Variants in TUBB2A observed in about 807,000 individuals in gnomAD.
TUBB2A encodes tubulin beta 2A class IIa, also known as tubulin beta-2A chain.
A neutral mutation model predicts 33.9 loss-of-function variants in TUBB2A; 7 were observed. The ratio of observed to expected loss-of-function variants is 0.21; its 90% CI spans 0.12 to 0.39. The LOEUF is 0.39. TUBB2A is among the 10% of genes least tolerant of loss of function. The probability of loss-of-function intolerance (pLI) is 1.00; values close to 1 mark genes in which losing one functional copy is unlikely to be tolerated. For synonymous variants in TUBB2A, 187 were observed against 247.6 expected (o/e 0.76, Z 2.30); for missense variants, 80 against 593.4 (o/e 0.13, Z 8.99).
chr6:3,155,564 G>T lies in TUBB2A; in HGVS notation c.277+61C>A. On this transcript the variant is annotated intron_variant, in intron 3 of 3. Coordinates refer to ENST00000333628, the MANE Select transcript of TUBB2A (RefSeq NM_001069.3). This position sits in a 1 kb window ranked among gnomAD's most constrained non-coding sequence, Gnocchi z 4.2. ...CACTGAACACTAAGAACTGTGCTTT[G>T]CAGGGCTGTTAGGAAGAAGGTGTGT... is the stretch of plus-strand genomic sequence containing the variant. The T allele has an allele frequency of 3.0e-6, 4 of 1,340,396 alleles. No homozygotes were observed. Among genetic ancestry groups the T allele is most frequent in the Non-Finnish European group, 4.2e-6 (4 of 948,752 alleles). 83.0% of individuals were successfully genotyped at this position (1,340,396 alleles called of 1,614,324 possible).
chr6:3,155,021 G>A lies in TUBB2A; in HGVS notation c.278-98C>T, dbSNP rs1280851079. On this transcript the variant is annotated intron_variant, in intron 3 of 3. Transcript: ENST00000333628. The surrounding 1 kb of genome is among the most constrained non-coding windows in gnomAD (Gnocchi z 4.2). ...GAGAAGGTAGGACTGGTCTTAGACT[G>A]GCAGATTCTTCTCTTTTGAATACTC... 3 of 1,559,818 alleles carry A rather than the reference G, an allele frequency of 1.9e-6. No homozygotes were observed. The African/African-American group carries it at 4.1e-5, about 21-fold the overall frequency.
chr6:3,153,941 G>A lies in TUBB2A; in HGVS notation c.1260C>T (p.Ser420=), dbSNP rs774107403. The change falls in exon 4 of 4, where the codon TCC becomes TCT. Residue 420 remains serine, a synonymous_variant. Coordinates refer to ENST00000333628, the MANE Select transcript of TUBB2A (RefSeq NM_001069.3). ...EAESNMNDLV[S]EYQQYQDATA... ...TGGCGTCCTGGTACTGCTGGTACTC[G>A]GACACCAGGTCGTTCATGTTGCTCT... The A allele has an allele frequency of 5.6e-6, 9 of 1,601,994 alleles. No individual in the cohort carries two copies. The highest frequency in any genetic ancestry group is 3.4e-5 in the Admixed American group (2 of 59,072).
At position 3,154,959 on chromosome 6, in the gene TUBB2A, A is replaced by G. The variant is rs1234692060; in HGVS notation, c.278-36T>C. 1.9e-6 allele frequency: 3 copies of G among 1,613,368 alleles called. No individual in the cohort carries two copies. In the African/African-American group the frequency reaches 4.0e-5, roughly 22 times the overall value. ...GAAAGTGAACATTAGACACTAAAACATAAGGAATTTCAAAATCTGTCATTT... is the reference window on the plus strand; with the variant it reads ...GAAAGTGAACATTAGACACTAAAACGTAAGGAATTTCAAAATCTGTCATTT... On this transcript the variant is annotated intron_variant, in intron 3 of 3. Transcript: ENST00000333628.
At position 3,156,296 on chromosome 6, in the gene TUBB2A, C is replaced by T. The variant is rs3734489; in HGVS notation, c.58-144G>A. The T allele has an allele frequency of 0.071, 100,389 of 1,419,008 alleles. 498 individuals carry two copies. Among genetic ancestry groups the T allele is most frequent in the African/African-American group, 0.36 (23,309 of 64,150 alleles). 87.9% of individuals were successfully genotyped at this position (1,419,008 alleles called of 1,614,324 possible). A position where few individuals can be genotyped will look rare whatever the true frequency, so the allele number is the denominator to read the frequency against. On this transcript the variant is annotated intron_variant, in intron 1 of 3. Coordinates refer to ENST00000333628, the MANE Select transcript of TUBB2A (RefSeq NM_001069.3). ...TAGACAGAGAGCAAAGAGCTGCACC[C>T]CCTATTTCCTGCAGCAGCCGCTGCT... is the stretch of plus-strand genomic sequence containing the variant.
rs1034090660 is a variant in TUBB2A, at chr6:3,157,519, C to G, written c.-56G>C. The G allele has an allele frequency of 1.4e-5, 20 of 1,439,506 alleles. No individual in the cohort carries two copies. Among genetic ancestry groups the G allele is most frequent in the Non-Finnish European group, 1.6e-5 (18 of 1,099,638 alleles). 89.2% of individuals were successfully genotyped at this position (1,439,506 alleles called of 1,614,324 possible). On this transcript the variant is annotated 5_prime_UTR_variant, in exon 1 of 4. Coordinates refer to ENST00000333628, the MANE Select transcript of TUBB2A (RefSeq NM_001069.3). ...CCTCGGAGCGGTGCGCGGCGTGGAC[C>G]GGCGGGCTGGGCTGCGCAGAGACCT... is the stretch of plus-strand genomic sequence containing the variant.
At chr6:3,157,350 G>A in intron 1 of TUBB2A, 57 bp downstream of exon 1, 2 of 1,377,972 alleles carry the variant, frequency 1.5e-6, no homozygotes, top group Non-Finnish European at 1.9e-6. Flanking sequence ...CCCCCGCCCC[G>A]GCCCCAGCCC....
Position 3,153,796 on chromosome 6 carries a change from A to G in TUBB2A, c.*67T>C. The G allele has an allele frequency of 6.3e-7, 1 of 1,599,674 alleles. No homozygotes were observed. Among genetic ancestry groups the G allele is most frequent in the South Asian group, 1.1e-5 (1 of 89,524 alleles). On this transcript the variant is annotated 3_prime_UTR_variant, in exon 4 of 4. Transcript: ENST00000333628. ...GGCAAAACTGAGCACCATAGTTTACAAGTAGAAAGACCATGCTTGAGGACA... is the reference window on the plus strand; with the variant it reads ...GGCAAAACTGAGCACCATAGTTTACGAGTAGAAAGACCATGCTTGAGGACA...
Position 3,155,944 on chromosome 6 carries a change from T to C in TUBB2A, c.166+100A>G, listed in dbSNP as rs1316762833. 8.8e-6 allele frequency: 13 copies of C among 1,475,684 alleles called. No homozygotes were observed. The highest frequency in any genetic ancestry group is 8.4e-5 in the African/African-American group (6 of 71,474). The allele number at this position is 1,475,684 out of a possible 1,614,324, so 91.4% of individuals were successfully genotyped here. A position where few individuals can be genotyped will look rare whatever the true frequency, so the allele number is the denominator to read the frequency against. Reference sequence around the variant, plus strand: ...CAGCAGTTGGCATTTGAAATGAATATGCAAGAAGCATGCCTTTGTCACGTG... The same window carrying C: ...CAGCAGTTGGCATTTGAAATGAATACGCAAGAAGCATGCCTTTGTCACGTG... On this transcript the variant is annotated intron_variant, in intron 2 of 3. Coordinates refer to ENST00000333628, the MANE Select transcript of TUBB2A (RefSeq NM_001069.3). The surrounding 1 kb of genome is among the most constrained non-coding windows in gnomAD (Gnocchi z 4.2).
In TUBB2A at chr6:3,155,056, C is replaced by T; in HGVS notation, c.278-133G>A. On this transcript the variant is annotated intron_variant, in intron 3 of 3. Coordinates refer to ENST00000333628, the MANE Select transcript of TUBB2A (RefSeq NM_001069.3). The surrounding 1 kb of genome is among the most constrained non-coding windows in gnomAD (Gnocchi z 4.2). ...TCTCTTTTGAATACTCTTCTTTTAC[C>T]TGAAGAAATATTTTTCTATGTCAGT... 6.6e-7 allele frequency: 1 copy of T among 1,509,152 alleles called. No homozygotes were observed. Among genetic ancestry groups the T allele is most frequent in the Non-Finnish European group, 8.9e-7 (1 of 1,125,714 alleles). 93.5% of individuals were successfully genotyped at this position (1,509,152 alleles called of 1,614,324 possible). A position where few individuals can be genotyped will look rare whatever the true frequency, so the allele number is the denominator to read the frequency against.
intron 1 of TUBB2A, among the ~76,000 whole-genome samples, chr6:3,156,531 A>AC (rs1428892607): frequency 6.1e-3 from 1 of 164 alleles, no homozygotes; most frequent in Non-Finnish European, 0.017. Flanking sequence ...GGGTCGTGGC[A>AC]GGCCAAGGAC....
rs1378190671 is a variant in TUBB2A, at chr6:3,155,826, G to C, written c.167-91C>G. 1 of 1,353,142 alleles carries C rather than the reference G, an allele frequency of 7.4e-7. No homozygotes were observed. Among genetic ancestry groups the C allele is most frequent in the Non-Finnish European group, 1.0e-6 (1 of 979,436 alleles). 83.8% of individuals were successfully genotyped at this position (1,353,142 alleles called of 1,614,324 possible). On this transcript the variant is annotated intron_variant, in intron 2 of 3. Coordinates refer to ENST00000333628, the MANE Select transcript of TUBB2A (RefSeq NM_001069.3). The surrounding 1 kb of genome is among the most constrained non-coding windows in gnomAD (Gnocchi z 4.2). Reference sequence around the variant, plus strand: ...AGCATCTGAGACAAAAGGAGAACAGGAGATTTTCTGCTTTTAAGAAAAAGG... The same window carrying C: ...AGCATCTGAGACAAAAGGAGAACAGCAGATTTTCTGCTTTTAAGAAAAAGG...
At chr6:3,157,207 G>A (rs1762651882) in intron 1 of TUBB2A, among the ~76,000 whole-genome samples, 200 bp downstream of exon 1, 2 of 152,234 alleles carry the variant, frequency 1.3e-5, no homozygotes, top group Admixed American at 6.5e-5. Flanking sequence ...AAATCGAAAG[G>A]CCCCCGATTA....
chr6:3,157,222 C>T (rs1224507607), intron 1 of TUBB2A, among the ~76,000 whole-genome samples, 185 bp downstream of exon 1: 2 of 152,236 alleles, frequency 1.3e-5, no homozygotes, highest in Non-Finnish European at 2.9e-5. Context: ...CGATTAAACG[C>T]ACACACAGCT....
rs548435510 is a variant in TUBB2A, at chr6:3,155,092, A to G, written c.278-169T>C. On this transcript the variant is annotated intron_variant, in intron 3 of 3. Coordinates refer to ENST00000333628, the MANE Select transcript of TUBB2A (RefSeq NM_001069.3). The surrounding 1 kb of genome is among the most constrained non-coding windows in gnomAD (Gnocchi z 4.2). ...TTTTTCTATGTCAGTGACCTCAAAA[A>G]CACTGGGGATCATAATAAAGTAAGA... 100 of 1,462,704 alleles carry G rather than the reference A, an allele frequency of 6.8e-5. 1 individual carries two copies. In the East Asian group the frequency reaches 2.2e-3, roughly 33 times the overall value. 90.6% of individuals were successfully genotyped at this position (1,462,704 alleles called of 1,614,324 possible).
intron 1 of TUBB2A, among the ~76,000 whole-genome samples, chr6:3,156,786 G>T (rs1207473930): frequency 6.6e-6 from 1 of 152,182 alleles, no homozygotes; most frequent in Non-Finnish European, 1.5e-5. Context: ...CAACATGGCG[G>T]TTCTCAAAGA....
rs1212229822 is a variant in TUBB2A at position 3,154,061 on chromosome 6, G to A, written c.1140C>T (p.Arg380=). ...ACATGGCCGTGAACTGCTCGGAGAT[G>A]CGCTTGAACAGCTCCTGGATGGCCG... ...NSTAIQELFK[R]ISEQFTAMFR... Residue 380 remains arginine (R), a synonymous_variant, in exon 4 of 4, where the codon CGC becomes CGT. Transcript: ENST00000333628. The A allele has an allele frequency of 1.3e-6, 2 of 1,545,312 alleles. No homozygotes were observed. The highest frequency in any genetic ancestry group is 1.8e-6 in the Non-Finnish European group (2 of 1,142,224).
intron 1 of TUBB2A, 96 bp from the exon 2 acceptor site, chr6:3,156,248 G>A: frequency 1.6e-6 from 2 of 1,283,038 alleles, no homozygotes; most frequent in Non-Finnish European, 2.1e-6. Context: ...AGGGGCTTTT[G>A]TGGTCAGACA....
In TUBB2A at chr6:3,155,097, G is replaced by A. The variant is rs1159393430; in HGVS notation, c.278-174C>T. 6.9e-7 allele frequency: 1 copy of A among 1,456,376 alleles called. No individual in the cohort carries two copies. Among genetic ancestry groups the A allele is most frequent in the East Asian group, 2.5e-5 (1 of 40,168 alleles). The allele number at this position is 1,456,376 out of a possible 1,614,324, so 90.2% of individuals were successfully genotyped here. A position where few individuals can be genotyped will look rare whatever the true frequency, so the allele number is the denominator to read the frequency against. Reference sequence around the variant, plus strand: ...CTATGTCAGTGACCTCAAAAACACTGGGGATCATAATAAAGTAAGAAGTAA... The same window carrying A: ...CTATGTCAGTGACCTCAAAAACACTAGGGATCATAATAAAGTAAGAAGTAA... On this transcript the variant is annotated intron_variant, in intron 3 of 3. Transcript: ENST00000333628. The surrounding 1 kb of genome is among the most constrained non-coding windows in gnomAD (Gnocchi z 4.2).
At chr6:3,156,422 T>C (rs2113786916) in intron 1 of TUBB2A, among the ~76,000 whole-genome samples, 1 of 152,422 alleles carries the variant, frequency 6.6e-6, no homozygotes. Flanking sequence ...GATGCCCTTC[T>C]AGGGAGAGGG....
Sources: gnomAD v4.1 joint callset for allele counts (sites outside exome capture counted in the v4.1 genomes callset) on GRCh38, gnomAD v4.1.1 for gene constraint, Gnocchi (gnomAD v3.1) non-coding constraint, MANE v1.5 for transcripts, NCBI Gene and HGNC (gene_info 2026-07-23, HGNC 2026-07-21) for gene names.